MYO3B: variants seen among roughly 807,000 people sequenced by gnomAD.
The protein encoded by MYO3B is myosin-IIIb.
Under a neutral mutation model 174.6 loss-of-function variants are expected in MYO3B, and 156 were observed. The ratio of observed to expected loss-of-function variants is 0.89; its 90% CI spans 0.78 to 1.02. The LOEUF (loss-of-function observed/expected upper bound fraction) is 1.02, where lower values mean the gene tolerates loss of function less well. Ranked by LOEUF, MYO3B falls within the 50% of genes least tolerant of loss-of-function variation. The pLI is 0.00. For missense variants in MYO3B, 1,632 were observed against 1,639.4 expected (o/e 1.00, Z 0.08); for synonymous variants, 563 against 569.1 (o/e 0.99, Z 0.15).
chr2:170,550,710 T>C (rs1345192689), intron 32 of MYO3B, among the ~76,000 whole-genome samples: 2 of 152,218 alleles, frequency 1.3e-5, no homozygotes, highest in Non-Finnish European at 2.9e-5. Flanking sequence ...TTTCCAAAGC[T>C]AGTCTGGTGA....
chr2:170,347,981 C>T (rs1318022405), intron 8 of MYO3B: 1 of 152,166 alleles, frequency 6.6e-6, no homozygotes, highest in Non-Finnish European at 1.5e-5. Flanking sequence ...TAAATGGAAT[C>T]ATACAATAGG....
chr2:170,187,644 CGTGTAG>C (rs1169220563), intron 1 of MYO3B, among the ~76,000 whole-genome samples: 1 of 152,124 alleles, frequency 6.6e-6, no homozygotes. Flanking sequence ...TTCACTGTAT[CGTGTAG>C]GTTTTGGTAT....
chr2:170,184,880 A>G (rs2092444434), intron 1 of MYO3B, among the ~76,000 whole-genome samples: 1 of 152,156 alleles, frequency 6.6e-6, no homozygotes, highest in Non-Finnish European at 1.5e-5. Context: ...GTTAAAAGCC[A>G]TTTTAACTGG....
chr2:170,456,024 T>C (rs1683887033), intron 23 of MYO3B, among the ~76,000 whole-genome samples: 1 of 152,054 alleles, frequency 6.6e-6, no homozygotes. Flanking sequence ...AGAGGCAGAT[T>C]AATATGAGAA....
intron 29 of MYO3B, among the ~76,000 whole-genome samples, 197 bp downstream of exon 29, chr2:170,515,219 G>A (rs1445384029): frequency 6.6e-6 from 1 of 152,220 alleles, no homozygotes; most frequent in Non-Finnish European, 1.5e-5. Context: ...GAAGGGAATA[G>A]AATAGATGGG....
At chr2:170,560,975 T>C (rs1691673048) in intron 32 of MYO3B, among the ~76,000 whole-genome samples, 1 of 152,238 alleles carries the variant, frequency 6.6e-6, no homozygotes, top group South Asian at 2.1e-4. Flanking sequence ...CTGCTGTATT[T>C]ACCCATGTCC....
chr2:170,245,938 T>A (rs924381566), intron 7 of MYO3B, among the ~76,000 whole-genome samples: 8 of 152,072 alleles, frequency 5.3e-5, no homozygotes, highest in African/African-American at 1.9e-4. Context: ...ATAAAATAAA[T>A]AAATAAATAA....
intron 6 of MYO3B, among the ~76,000 whole-genome samples, chr2:170,224,765 CAA>C (rs758895198): frequency 3.3e-5 from 5 of 152,090 alleles, no homozygotes; most frequent in Non-Finnish European, 7.4e-5. Context: ...TTGTTGCAAA[CAA>C]GAGCTAATCA....
chr2:170,368,247 C>A (rs902684944), intron 8 of MYO3B, among the ~76,000 whole-genome samples: 2 of 152,146 alleles, frequency 1.3e-5, no homozygotes, highest in Non-Finnish European at 2.9e-5. Context: ...AAACTAAAGA[C>A]GTTTATTTCA....
At position 170,305,010 on chromosome 2, in the gene MYO3B, C is replaced by G. The variant is rs140456003; in HGVS notation, c.750-30375C>G. ...ATGCTTATGAATCTCTTTTCTGTCTCAAGATTTTAAAAGTATGCCTTATTT... is the reference window on the plus strand; with the variant it reads ...ATGCTTATGAATCTCTTTTCTGTCTGAAGATTTTAAAAGTATGCCTTATTT... On this transcript the variant is annotated intron_variant, in intron 7 of 34. Transcript: ENST00000408978. Among the ~76,000 whole-genome samples, 1,087 of 151,578 alleles carry G rather than the reference C, an allele frequency of 7.2e-3. 16 individuals are homozygous for G. Among genetic ancestry groups the G allele is most frequent in the African/African-American group, 0.025 (1,051 of 41,308 alleles).
chr2:170,383,399 G>A (rs1390823379), intron 11 of MYO3B, among the ~76,000 whole-genome samples: 1 of 152,160 alleles, frequency 6.6e-6, no homozygotes, highest in African/African-American at 2.4e-5. Context: ...AACATTTATT[G>A]CGTGCTTACT....
At chr2:170,540,672 A>T (rs902196683) in intron 30 of MYO3B, among the ~76,000 whole-genome samples, 2 of 150,458 alleles carry the variant, frequency 1.3e-5, no homozygotes, top group Admixed American at 6.6e-5. Flanking sequence ...CAACAAAAAA[A>T]ACAAAAAAAC....
chr2:170,623,308 T>C (rs1696097819), intron 32 of MYO3B, among the ~76,000 whole-genome samples: 1 of 152,266 alleles, frequency 6.6e-6, no homozygotes, highest in African/African-American at 2.4e-5. Flanking sequence ...TTGATTTGCA[T>C]TTCTCTGATG....
At chr2:170,191,538 G>A (rs1483534633) in intron 1 of MYO3B, among the ~76,000 whole-genome samples, 2 of 152,086 alleles carry the variant, frequency 1.3e-5, no homozygotes, top group Non-Finnish European at 2.9e-5. Context: ...CCCCGGCTAG[G>A]TTGTTCTAAA....
At chr2:170,611,016 G>C (rs1272154268) in intron 32 of MYO3B, among the ~76,000 whole-genome samples, 1 of 152,160 alleles carries the variant, frequency 6.6e-6, no homozygotes, top group East Asian at 1.9e-4. Context: ...AGGAGCCGTT[G>C]AGTCTGTTCT....
In MYO3B at chr2:170,591,968, G is replaced by A. The variant is rs528718174; in HGVS notation, c.3733+47980G>A. ...GGCAGTATATTCCATTATTAAACAC[G>A]TACTCCATACCAAGCATTATCTTAT... On this transcript the variant is annotated intron_variant, in intron 32 of 34. Coordinates refer to ENST00000408978, the MANE Select transcript of MYO3B (RefSeq NM_138995.5). Among the ~76,000 whole-genome samples, 6 of 152,200 alleles carry A rather than the reference G, an allele frequency of 3.9e-5. No homozygotes were observed. In the South Asian group the frequency reaches 6.2e-4, roughly 16 times the overall value.
intron 32 of MYO3B, among the ~76,000 whole-genome samples, chr2:170,649,519 C>T (rs1451605581): frequency 7.0e-6 from 1 of 142,780 alleles, no homozygotes; most frequent in Non-Finnish European, 1.5e-5. Flanking sequence ...AAAAACATTT[C>T]TTCTTAAGAA....
chr2:170,179,850 G>T (rs1328934681), intron 1 of MYO3B, among the ~76,000 whole-genome samples: 1 of 152,144 alleles, frequency 6.6e-6, no homozygotes, highest in Non-Finnish European at 1.5e-5. Flanking sequence ...TATGGTATGT[G>T]TTTCCTTATT....
chr2:170,247,247 C>T (rs1039944219), intron 7 of MYO3B, among the ~76,000 whole-genome samples: 1 of 152,150 alleles, frequency 6.6e-6, no homozygotes, highest in African/African-American at 2.4e-5. Flanking sequence ...TACTTGGGGA[C>T]ATTGAGAGGT....
Sources: gnomAD v4.1 joint callset for allele counts (sites outside exome capture counted in the v4.1 genomes callset) on GRCh38, gnomAD v4.1.1 for gene constraint, MANE v1.5 for transcripts, NCBI Gene and HGNC (gene_info 2026-07-23, HGNC 2026-07-21) for gene names.